GBE1: variants seen among roughly 807,000 people sequenced by gnomAD.
The protein encoded by GBE1 is 1,4-alpha-glucan branching enzyme 1.
In GBE1, 70 loss-of-function variants were observed where a neutral mutation model predicts 88.8. The ratio of observed to expected loss-of-function variants is 0.79; its 90% CI spans 0.65 to 0.96. The LOEUF is 0.96. Among genes scored for constraint, GBE1 ranks in the 40% least tolerant of loss-of-function variants. The pLI is 0.00. For missense variants in GBE1, 872 were observed against 871.0 expected, an observed-to-expected ratio of 1.00 and a Z score of -0.01; for synonymous variants, 284 against 300.1, an observed-to-expected ratio of 0.95 and a Z score of 0.56.
intron 3 of GBE1, among the ~76,000 whole-genome samples, chr3:81,660,846 T>C (rs1480237400): frequency 6.6e-6 from 1 of 152,200 alleles, no homozygotes; most frequent in Non-Finnish European, 1.5e-5. Context: ...GTTTAAATCA[T>C]GAATGAGATT....
intron 13 of GBE1, 40 bp from the exon 14 acceptor site, chr3:81,535,365 T>C (rs749245519): frequency 1.9e-6 from 3 of 1,552,844 alleles, no homozygotes; most frequent in Non-Finnish European, 1.7e-6. Context: ...AAATAATACC[T>C]AGATGCTGCT....
intron 14 of GBE1, among the ~76,000 whole-genome samples, chr3:81,504,359 A>C (rs1340766443): frequency 6.6e-6 from 1 of 151,788 alleles, no homozygotes; most frequent in Non-Finnish European, 1.5e-5. Context: ...AGGTCTGAAT[A>C]TCTGAGATTT....
intron 15 of GBE1, among the ~76,000 whole-genome samples, chr3:81,497,250 G>A (rs1702512536): frequency 6.6e-6 from 1 of 152,084 alleles, no homozygotes; most frequent in Non-Finnish European, 1.5e-5. Context: ...CTGAGCCGTC[G>A]CCTAAGAAGA....
rs572758327 is a variant in GBE1 at position 81,624,796 on chromosome 3, A to C, written c.992+17985T>G. 7.2e-5 allele frequency among the ~76,000 whole-genome samples: 11 copies of C among 152,306 alleles called. 1 individual carries two copies. The South Asian group carries it at 2.3e-3, about 32-fold the overall frequency. ...TATCTCTACTTTCTATGGGATGTTAATGTACCCTGCAGAAAGAATGGAAAA... is the reference window on the plus strand; with the variant it reads ...TATCTCTACTTTCTATGGGATGTTACTGTACCCTGCAGAAAGAATGGAAAA... On this transcript the variant is annotated intron_variant, in intron 7 of 15. Transcript: ENST00000429644.
intron 12 of GBE1, among the ~76,000 whole-genome samples, chr3:81,576,072 G>A (rs1390552594): frequency 1.3e-5 from 2 of 151,726 alleles, no homozygotes; most frequent in South Asian, 2.1e-4. Context: ...GTTTTAAGGT[G>A]TACGTCAACC....
chr3:81,649,313 A>G (rs1448493669), intron 4 of GBE1, among the ~76,000 whole-genome samples: 2 of 152,128 alleles, frequency 1.3e-5, no homozygotes, highest in Admixed American at 1.3e-4. Flanking sequence ...TATATCAACA[A>G]ACTCCAATGA....
chr3:81,633,906 G>A (rs1208354596), intron 7 of GBE1, among the ~76,000 whole-genome samples: 1 of 152,146 alleles, frequency 6.6e-6, no homozygotes, highest in East Asian at 1.9e-4. Context: ...GCTTTGGTAT[G>A]CACAGTGAAT....
chr3:81,529,400 C>T lies in GBE1; in HGVS notation c.1934+5795G>A, dbSNP rs142225519. Among the ~76,000 whole-genome samples, 1,234 of 151,800 alleles carry T rather than the reference C, an allele frequency of 8.1e-3. 14 individuals are homozygous for T. Among genetic ancestry groups the T allele is most frequent in the African/African-American group, 0.027 (1,111 of 41,458 alleles). ...ATATTTGTCTGTGTACTTATTATTA[C>T]GAGTTTTGTGACTTAAGGTTATTTC... On this transcript the variant is annotated intron_variant, in intron 14 of 15. Transcript: ENST00000429644.
At chr3:81,521,416 C>A (rs1576130456) in intron 14 of GBE1, among the ~76,000 whole-genome samples, 1 of 151,508 alleles carries the variant, frequency 6.6e-6, no homozygotes, top group East Asian at 1.9e-4. Flanking sequence ...GTTAGAAATA[C>A]CAATGGCATA....
intron 1 of GBE1, among the ~76,000 whole-genome samples, chr3:81,747,221 A>T (rs1270748185): frequency 1.3e-5 from 2 of 152,234 alleles, no homozygotes; most frequent in Non-Finnish European, 2.9e-5. Context: ...ATTCATCAAA[A>T]TAAATGAAAA....
chr3:81,748,504 G>A (rs912515346), intron 1 of GBE1, among the ~76,000 whole-genome samples: 1 of 151,744 alleles, frequency 6.6e-6, no homozygotes, highest in Non-Finnish European at 1.5e-5. Flanking sequence ...CCAGCTACTC[G>A]GGAGACTGGG....
At chr3:81,584,464 T>C (rs551082141) in intron 10 of GBE1, among the ~76,000 whole-genome samples, 1 of 152,196 alleles carries the variant, frequency 6.6e-6, no homozygotes, top group Non-Finnish European at 1.5e-5. Context: ...GGAAAATCAC[T>C]ATGTCTAAGG....
At chr3:81,595,517 A>G (rs1410466093) in intron 7 of GBE1, among the ~76,000 whole-genome samples, 1 of 151,920 alleles carries the variant, frequency 6.6e-6, no homozygotes, top group Non-Finnish European at 1.5e-5. Context: ...GAATTTCAGA[A>G]AGAAGACTTG....
intron 12 of GBE1, among the ~76,000 whole-genome samples, chr3:81,559,971 A>G (rs1703395922): frequency 6.6e-6 from 1 of 151,972 alleles, no homozygotes; most frequent in Admixed American, 6.6e-5. Flanking sequence ...AGGATTTTAA[A>G]ATATCCTAAT....
chr3:81,710,146 A>G (rs2107174762), intron 1 of GBE1, among the ~76,000 whole-genome samples: 1 of 152,070 alleles, frequency 6.6e-6, no homozygotes, highest in South Asian at 2.1e-4. Context: ...CACAAAAGGT[A>G]GATTTCAAGT....
intron 12 of GBE1, among the ~76,000 whole-genome samples, chr3:81,567,533 A>G (rs981442920): frequency 6.6e-6 from 1 of 151,770 alleles, no homozygotes; most frequent in Non-Finnish European, 1.5e-5. Flanking sequence ...CTAAAACTAA[A>G]CTCCTCACCT....
In GBE1 at chr3:81,596,312, G is replaced by A. The variant is rs541578352; in HGVS notation, c.993-2289C>T. ...TTCTTTTTTTTTTATTATACTTTAA[G>A]TTTTAGGGTACATGTGCACAACGTG... On this transcript the variant is annotated intron_variant, in intron 7 of 15. Transcript: ENST00000429644. Among the ~76,000 whole-genome samples, 23 of 151,694 alleles carry A rather than the reference G, an allele frequency of 1.5e-4. No individual in the cohort carries two copies. In the East Asian group the frequency reaches 4.4e-3, roughly 29 times the overall value.
In GBE1 at chr3:81,714,905, A is replaced by G. The variant is rs73128788; in HGVS notation, c.144-9292T>C. On this transcript the variant is annotated intron_variant, in intron 1 of 15. Coordinates refer to ENST00000429644, the MANE Select transcript of GBE1 (RefSeq NM_000158.4). ...GAGGAAACAACCTAAACACTCCCCA[A>G]TCTCTTCTTATAAAGCCACTAATCA... Among the ~76,000 whole-genome samples, 420 of 152,144 alleles carry G rather than the reference A, an allele frequency of 2.8e-3. 1 individual carries two copies. The highest frequency in any genetic ancestry group is 4.3e-3 in the Non-Finnish European group (295 of 67,998).
At chr3:81,582,829 A>T (rs947220229) in intron 10 of GBE1, among the ~76,000 whole-genome samples, 1 of 152,120 alleles carries the variant, frequency 6.6e-6, no homozygotes, top group Non-Finnish European at 1.5e-5. Flanking sequence ...AAAATTTCTT[A>T]AACTTGATAC....
Sources: gnomAD v4.1 joint callset for allele counts (sites outside exome capture counted in the v4.1 genomes callset) on GRCh38, gnomAD v4.1.1 for gene constraint, MANE v1.5 for transcripts, NCBI Gene and HGNC (gene_info 2026-07-23, HGNC 2026-07-21) for gene names.